Variants in MEGF10 observed in about 807,000 individuals in gnomAD.
MEGF10 encodes the protein multiple epidermal growth factor-like domains protein 10.
Under a neutral mutation model 147.5 loss-of-function variants are expected in MEGF10, and 86 were observed. The observed-to-expected ratio is 0.58, with a 90% CI of 0.49 to 0.70. MEGF10 has a LOEUF of 0.70. Among genes scored for constraint, MEGF10 ranks in the 30% least tolerant of loss-of-function variants. The pLI is 0.00. For synonymous variants in MEGF10, 478 were observed against 525.5 expected, an observed-to-expected ratio of 0.91 and a Z score of 1.24; for missense variants, 1,329 against 1,487.3, an observed-to-expected ratio of 0.89 and a Z score of 1.75.
chr5:127,318,328 T>C (rs1760646637), intron 1 of MEGF10, among the ~76,000 whole-genome samples: 1 of 152,210 alleles, frequency 6.6e-6, no homozygotes, highest in Admixed American at 6.5e-5. Context: ...ACACCCATTG[T>C]ATCTTTACAG....
chr5:127,299,503 A>G (rs1759674307), intron 1 of MEGF10, among the ~76,000 whole-genome samples: 1 of 152,176 alleles, frequency 6.6e-6, no homozygotes, highest in Non-Finnish European at 1.5e-5. Context: ...TCCTGTAAAA[A>G]TCTAATCCTG....
intron 4 of MEGF10, 70 bp from the exon 5 acceptor site, chr5:127,369,840 C>T: frequency 8.2e-7 from 1 of 1,220,640 alleles, no homozygotes; most frequent in Non-Finnish European, 1.2e-6. Context: ...CTTGGATGTG[C>T]AACAGCTGTG....
chr5:127,359,595 T>C lies in MEGF10; in HGVS notation c.320-10315T>C, dbSNP rs563933768. On this transcript the variant is annotated intron_variant, in intron 4 of 24. Coordinates refer to ENST00000503335, the MANE Select transcript of MEGF10 (RefSeq NM_001256545.2). ...CTTTCTGTCACTCTAGATTGCTTCG[T>C]ATTTTCTAGAGCTTTATATAAGTGG... is the stretch of plus-strand genomic sequence containing the variant. Among the ~76,000 whole-genome samples, 7 of 152,236 alleles carry C rather than the reference T, an allele frequency of 4.6e-5. No individual in the cohort carries two copies. The East Asian group carries it at 1.3e-3, about 29-fold the overall frequency.
chr5:127,250,036 C>T, the MEGF10 span, among the ~76,000 whole-genome samples: 1 of 152,018 alleles, frequency 6.6e-6, no homozygotes, highest in East Asian at 1.9e-4. Context: ...ATGGTCTTAC[C>T]TCTTAATACT....
At chr5:127,423,578 T>C (rs1765104261) in intron 13 of MEGF10, among the ~76,000 whole-genome samples, 1 of 152,242 alleles carries the variant, frequency 6.6e-6, no homozygotes, top group African/African-American at 2.4e-5. Context: ...CTAGCCATCC[T>C]AGTCAGTGTT....
In MEGF10 at chr5:127,409,155, T is replaced by A. The variant is rs567228831; in HGVS notation, c.918-1234T>A. On this transcript the variant is annotated intron_variant, in intron 8 of 24. Coordinates refer to ENST00000503335, the MANE Select transcript of MEGF10 (RefSeq NM_001256545.2). The stretch of plus-strand genomic sequence containing the variant: ...TGGTATTGTTACTTGTTGCACCCTA[T>A]CATTAAAAATATGCAAAGTTTTGTG... Among the ~76,000 whole-genome samples the A allele has an allele frequency of 1.0e-3, 153 of 152,342 alleles. 2 individuals are homozygous for A. In the South Asian group the frequency reaches 0.031, roughly 31 times the overall value.
intron 8 of MEGF10, among the ~76,000 whole-genome samples, chr5:127,405,828 A>C (rs948200739): frequency 3.3e-5 from 5 of 151,986 alleles, no homozygotes; most frequent in African/African-American, 1.2e-4. Context: ...AATTTCATTA[A>C]ATGCCTTTTT....
chr5:127,328,691 TG>T (rs1273195107), intron 1 of MEGF10, among the ~76,000 whole-genome samples: 1 of 152,016 alleles, frequency 6.6e-6, no homozygotes, highest in Non-Finnish European at 1.5e-5. Context: ...GGTAAATGGA[TG>T]GTTTGAGTCT....
At chr5:127,395,403 G>T (rs759898991) in intron 5 of MEGF10, among the ~76,000 whole-genome samples, 2 of 151,830 alleles carry the variant, frequency 1.3e-5, no homozygotes, top group South Asian at 4.2e-4. Flanking sequence ...ATTTAATTTG[G>T]ATTCTTCGGC....
chr5:127,449,717 C>T (rs994063001), intron 22 of MEGF10, among the ~76,000 whole-genome samples: 1 of 152,094 alleles, frequency 6.6e-6, no homozygotes, highest in Non-Finnish European at 1.5e-5. Context: ...CTTGAGATCC[C>T]CTTCCCTTTC....
At chr5:127,399,069 A>C (rs1166318481) in intron 7 of MEGF10, among the ~76,000 whole-genome samples, 1 of 152,246 alleles carries the variant, frequency 6.6e-6, no homozygotes, top group Non-Finnish European at 1.5e-5. Flanking sequence ...AAGGATAAAA[A>C]AAAGAGAGAC....
At chr5:127,253,368 A>T in the MEGF10 span, among the ~76,000 whole-genome samples, 18 of 152,142 alleles carry the variant, frequency 1.2e-4, no homozygotes, top group Admixed American at 3.3e-4. Context: ...TATTCATGTT[A>T]GGGAAAACCA....
At chr5:127,251,217 G>A in the MEGF10 span, among the ~76,000 whole-genome samples, 3 of 152,040 alleles carry the variant, frequency 2.0e-5, no homozygotes, top group Non-Finnish European at 4.4e-5. Flanking sequence ...TAAAAGTATA[G>A]GGTTTGCGCA....
At chr5:127,320,376 G>A (rs556489294) in intron 1 of MEGF10, among the ~76,000 whole-genome samples, 20 of 152,298 alleles carry the variant, frequency 1.3e-4, no homozygotes, top group African/African-American at 4.3e-4. Context: ...AAGTAATATG[G>A]AAAATGACAC....
At chr5:127,384,259 G>T (rs1356260613) in intron 5 of MEGF10, among the ~76,000 whole-genome samples, 1 of 152,232 alleles carries the variant, frequency 6.6e-6, no homozygotes, top group Non-Finnish European at 1.5e-5. Flanking sequence ...GGAGCAAGTA[G>T]TAAGTGCTCA....
chr5:127,231,307 C>G, the MEGF10 span, among the ~76,000 whole-genome samples: 2 of 152,234 alleles, frequency 1.3e-5, no homozygotes, highest in African/African-American at 4.8e-5. Flanking sequence ...TGAGCTCATC[C>G]TTTTCTGCTG....
intron 9 of MEGF10, among the ~76,000 whole-genome samples, chr5:127,410,997 G>A (rs1368998681): frequency 6.6e-6 from 1 of 152,084 alleles, no homozygotes; most frequent in African/African-American, 2.4e-5. Flanking sequence ...GATTCTTACT[G>A]CAGCATCTTT....
intron 24 of MEGF10, 56 bp from the exon 25 acceptor site, chr5:127,457,071 AT>A (rs1308504784): frequency 1.3e-6 from 2 of 1,483,270 alleles, no homozygotes; most frequent in Non-Finnish European, 1.8e-6. Flanking sequence ...GAAATGCCAT[AT>A]TCTTTTTAAA....
chr5:127,253,652 A>C, the MEGF10 span, among the ~76,000 whole-genome samples: 1 of 152,064 alleles, frequency 6.6e-6, no homozygotes, highest in South Asian at 2.1e-4. Context: ...TTTCCTGCAC[A>C]CTAGAAACAG....
Sources: gnomAD v4.1 joint callset for allele counts (sites outside exome capture counted in the v4.1 genomes callset) on GRCh38, gnomAD v4.1.1 for gene constraint, MANE v1.5 for transcripts, NCBI Gene and HGNC (gene_info 2026-07-23, HGNC 2026-07-21) for gene names.